The following PEX14 variants were observed in gnomAD, a reference collection of about 807,000 sequenced individuals.
PEX14 encodes the protein peroxisomal biogenesis factor 14, also known as peroxisomal membrane protein PEX14.
Under a neutral mutation model 49.5 loss-of-function variants are expected in PEX14, and 15 were observed. The observed-to-expected ratio is 0.30, with a 90% CI of 0.20 to 0.47. The LOEUF is 0.47. Ranked by LOEUF, PEX14 falls within the 20% of genes least tolerant of loss-of-function variation. PEX14 has a pLI of 1.00. For synonymous variants in PEX14, 210 were observed against 212.7 expected (o/e 0.99, Z 0.11); for missense variants, 398 against 494.8 (o/e 0.80, Z 1.86).
At chr1:10,605,255 G>A (rs936476464) in intron 4 of PEX14, among the ~76,000 whole-genome samples, 1 of 152,128 alleles carries the variant, frequency 6.6e-6, no homozygotes, top group Non-Finnish European at 1.5e-5. Context: ...CGGTGATACG[G>A]TCTGTGAGCC....
At chr1:10,621,304 A>T (rs1641584214) in intron 5 of PEX14, among the ~76,000 whole-genome samples, 1 of 150,822 alleles carries the variant, frequency 6.6e-6, no homozygotes, top group African/African-American at 2.4e-5. Flanking sequence ...GATCTCAGAA[A>T]TGGGGTGTTT....
Position 10,512,550 on chromosome 1 carries a change from C to T in PEX14, c.84+17229C>T, listed in dbSNP as rs577522474. Among the ~76,000 whole-genome samples the T allele has an allele frequency of 2.0e-5, 3 of 152,196 alleles. No individual in the cohort carries two copies. The highest frequency in any genetic ancestry group is 4.4e-5 in the Non-Finnish European group (3 of 68,016). On this transcript the variant is annotated intron_variant, in intron 2 of 8. Transcript: ENST00000356607. This position sits in a 1 kb window ranked among gnomAD's most constrained non-coding sequence, Gnocchi z 4.6. ...GGTGTTGGTTGGAAACCTGCACTGGCGTCGGTGGTTATATTCCACATTTGT... is the reference window on the plus strand; with the variant it reads ...GGTGTTGGTTGGAAACCTGCACTGGTGTCGGTGGTTATATTCCACATTTGT...
rs771702217 is a variant in PEX14 at position 10,618,361 on chromosome 1, G to A, written c.328G>A (p.Gly110Ser). The stretch of plus-strand genomic sequence containing the variant: ...CGCAGGCTCCCGATGGCGAGATTAC[G>A]GCGCCCTGGCCATCATCATGGCAGG... ...SPAGSRWRDYGALAIIMAGIA... is the reference protein window; with the variant it reads ...SPAGSRWRDYSALAIIMAGIA... Residue 110 changes from glycine to serine, a missense_variant, in exon 5 of 9, where the codon GGC becomes AGC. Coordinates refer to ENST00000356607, the MANE Select transcript of PEX14 (RefSeq NM_004565.3). 20 of 1,613,844 alleles carry A rather than the reference G, an allele frequency of 1.2e-5. No homozygotes were observed. The highest frequency in any genetic ancestry group is 6.7e-5 in the African/African-American group (5 of 74,950).
At position 10,506,428 on chromosome 1, in the gene PEX14, G is replaced by A. The variant is rs549483282; in HGVS notation, c.84+11107G>A. ...TGAGTAGCTGGGATTACAGGCATGC[G>A]CCGCCATGCCCGGCTAATTTTTTGT... On this transcript the variant is annotated intron_variant, in intron 2 of 8. Coordinates refer to ENST00000356607, the MANE Select transcript of PEX14 (RefSeq NM_004565.3). 7.9e-3 allele frequency among the ~76,000 whole-genome samples: 1,201 copies of A among 152,258 alleles called. 15 individuals are homozygous for A. Among genetic ancestry groups the A allele is most frequent in the South Asian group, 0.035 (170 of 4,828 alleles).
At chr1:10,548,620 G>T (rs917413912) in intron 3 of PEX14, among the ~76,000 whole-genome samples, 1 of 152,096 alleles carries the variant, frequency 6.6e-6, no homozygotes, top group African/African-American at 2.4e-5. Context: ...GTATGAATAC[G>T]GAGTATTCTT....
chr1:10,603,067 G>A (rs1372242684), intron 4 of PEX14, among the ~76,000 whole-genome samples: 1 of 152,220 alleles, frequency 6.6e-6, no homozygotes, highest in African/African-American at 2.4e-5. Context: ...CACCTGCTCA[G>A]TGGCAGGTGT....
intron 4 of PEX14, among the ~76,000 whole-genome samples, chr1:10,615,494 C>T (rs553616178): frequency 3.9e-5 from 6 of 152,362 alleles, no homozygotes; most frequent in African/African-American, 7.2e-5. Context: ...GGAATCTCTG[C>T]GTTTGAATCG....
chr1:10,609,208 A>C (rs1220811010), intron 4 of PEX14, among the ~76,000 whole-genome samples: 1 of 152,230 alleles, frequency 6.6e-6, no homozygotes, highest in Non-Finnish European at 1.5e-5. Flanking sequence ...AAGATGAATA[A>C]TGCTGCAAAG....
At chr1:10,528,262 A>C in intron 2 of PEX14, 2 of 964,438 alleles carry the variant, frequency 2.1e-6, no homozygotes, top group Non-Finnish European at 2.5e-6. Context: ...TCAATAGTGC[A>C]TGACTAGAGA....
intron 4 of PEX14, among the ~76,000 whole-genome samples, chr1:10,602,355 C>T (rs929925063): frequency 6.6e-6 from 1 of 151,802 alleles, no homozygotes; most frequent in African/African-American, 2.4e-5. Flanking sequence ...TTACATTGCT[C>T]CTCTCACTCC....
At chr1:10,484,761 T>C (rs1399459620) in intron 1 of PEX14, among the ~76,000 whole-genome samples, 2 of 151,680 alleles carry the variant, frequency 1.3e-5, no homozygotes, top group Non-Finnish European at 2.9e-5. Context: ...TGTGTGGTTG[T>C]TGGTGGCATT....
At chr1:10,553,466 C>T (rs1038014810) in intron 3 of PEX14, among the ~76,000 whole-genome samples, 10 of 152,214 alleles carry the variant, frequency 6.6e-5, no homozygotes, top group Non-Finnish European at 1.5e-4. Context: ...CTTTCAAAGT[C>T]GCTTCTACAG....
chr1:10,537,637 T>C (rs1638858547), intron 3 of PEX14, among the ~76,000 whole-genome samples: 1 of 152,134 alleles, frequency 6.6e-6, no homozygotes, highest in African/African-American at 2.4e-5. Flanking sequence ...CCTGATCTTC[T>C]CTTCCACCGA....
intron 1 of PEX14, among the ~76,000 whole-genome samples, chr1:10,482,670 G>A (rs553805987): frequency 6.6e-6 from 1 of 152,206 alleles, no homozygotes; most frequent in East Asian, 1.9e-4. Flanking sequence ...TTGACCTCAT[G>A]ATCCACCTGC....
Position 10,495,018 on chromosome 1 carries a change from C to T in PEX14, c.37-256C>T, listed in dbSNP as rs1641534302. 1 of 769,500 alleles carries T rather than the reference C, an allele frequency of 1.3e-6. No homozygotes were observed. Among genetic ancestry groups the T allele is most frequent in the Admixed American group, 6.3e-5 (1 of 15,994 alleles). The allele number at this position is 769,500 out of a possible 1,614,324, so 47.7% of individuals were successfully genotyped here. On this transcript the variant is annotated intron_variant, in intron 1 of 8. Transcript: ENST00000356607. The surrounding 1 kb of genome is among the most constrained non-coding windows in gnomAD (Gnocchi z 4.2). ...GTAGGTGATCGTGGGCCTTCCTGAG[C>T]AGAACCAAGCCTTGTTCTTGGAGTG... is the stretch of plus-strand genomic sequence containing the variant.
At chr1:10,594,638 A>G (rs1217441043) in intron 3 of PEX14, among the ~76,000 whole-genome samples, 2 of 152,190 alleles carry the variant, frequency 1.3e-5, no homozygotes, top group Non-Finnish European at 2.9e-5. Context: ...GTCTTCTGTC[A>G]TCTGTCTTTC....
intron 2 of PEX14, among the ~76,000 whole-genome samples, chr1:10,511,215 G>A (rs565414985): frequency 6.6e-6 from 1 of 152,282 alleles, no homozygotes; most frequent in African/African-American, 2.4e-5. Flanking sequence ...AACTGTAAAT[G>A]CCAAAGTGAG....
intron 3 of PEX14, among the ~76,000 whole-genome samples, chr1:10,581,241 G>A (rs1053821581): frequency 4.6e-5 from 7 of 151,198 alleles, no homozygotes; most frequent in African/African-American, 1.7e-4. Flanking sequence ...CATGAGGGCA[G>A]AATGAAACCT....
chr1:10,479,209 C>A (rs1641244123), intron 1 of PEX14, among the ~76,000 whole-genome samples: 1 of 151,868 alleles, frequency 6.6e-6, no homozygotes, highest in African/African-American at 2.4e-5. Flanking sequence ...AGACCTCGTT[C>A]CTACTGAAAA....
Sources: gnomAD v4.1 joint callset for allele counts (sites outside exome capture counted in the v4.1 genomes callset) on GRCh38, gnomAD v4.1.1 for gene constraint, Gnocchi (gnomAD v3.1) non-coding constraint, MANE v1.5 for transcripts, NCBI Gene and HGNC (gene_info 2026-07-23, HGNC 2026-07-21) for gene names.